PSPC1: variants seen among roughly 807,000 people sequenced by gnomAD.
The protein encoded by PSPC1 is paraspeckle component 1, also known as paraspeckle protein 1.
A neutral mutation model predicts 51.6 loss-of-function variants in PSPC1; 14 were observed. The observed-to-expected ratio is 0.27, with a 90% CI of 0.18 to 0.42. The LOEUF (loss-of-function observed/expected upper bound fraction) is 0.42, where lower values mean the gene tolerates loss of function less well. PSPC1 is among the 10% of genes least tolerant of loss of function. The probability of loss-of-function intolerance (pLI) is 1.00; values close to 1 mark genes in which losing one functional copy is unlikely to be tolerated. For synonymous variants in PSPC1, 193 were observed against 231.9 expected (o/e 0.83, Z 1.53); for missense variants, 406 against 701.1 (o/e 0.58, Z 4.75).
intron 8 of PSPC1, among the ~76,000 whole-genome samples, chr13:19,704,380 TTGAAGCAAA>T: frequency 6.6e-6 from 1 of 152,168 alleles, no homozygotes; most frequent in Non-Finnish European, 1.5e-5. Context: ...CTCCAAATTC[TTGAAGCAAA>T]TAAAATAATG....
chr13:19,735,820 C>CA (rs201549890), intron 5 of PSPC1, among the ~76,000 whole-genome samples: 27 of 150,274 alleles, frequency 1.8e-4, no homozygotes, highest in East Asian at 9.8e-4. Context: ...CAAAACTACT[C>CA]AAAAAAAAAA....
chr13:19,688,854 G>T lies in PSPC1; in HGVS notation c.1159-11031C>A, dbSNP rs1250076503. On this transcript the variant is annotated intron_variant and NMD_transcript_variant, in intron 6 of 7. Transcript: ENST00000471658. ...AGATTGTTTAGAAACCATTCATTTT[G>T]TTGACCAAATACAGTGTTCGCTTAT... Among the ~76,000 whole-genome samples the T allele has an allele frequency of 8.6e-5, 13 of 151,202 alleles. No homozygotes were observed. The East Asian group carries it at 2.5e-3, about 29-fold the overall frequency.
intron 4 of PSPC1, among the ~76,000 whole-genome samples, chr13:19,743,206 T>C (rs953815269): frequency 2.0e-5 from 3 of 152,228 alleles, no homozygotes; most frequent in African/African-American, 7.2e-5. Context: ...AATAATAAAA[T>C]GTTAAAATAC....
At chr13:19,735,141 G>A (rs1443063069) in intron 5 of PSPC1, among the ~76,000 whole-genome samples, 2 of 151,896 alleles carry the variant, frequency 1.3e-5, no homozygotes, top group East Asian at 3.9e-4. Context: ...GTAAAACCAC[G>A]TCTCGACTAA....
chr13:19,747,362 C>T (rs908473737), intron 4 of PSPC1, among the ~76,000 whole-genome samples: 1 of 152,092 alleles, frequency 6.6e-6, no homozygotes. Context: ...GACAGAGTCT[C>T]GTTCTGTCAT....
intron 5 of PSPC1, among the ~76,000 whole-genome samples, chr13:19,733,726 G>A (rs2137961219): frequency 6.6e-6 from 1 of 151,472 alleles, no homozygotes; most frequent in East Asian, 1.9e-4. Context: ...TCATGCCACT[G>A]CACTGCAGCC....
intron 6 of PSPC1, among the ~76,000 whole-genome samples, chr13:19,693,939 C>T (rs1436828859): frequency 3.3e-5 from 5 of 151,752 alleles, no homozygotes; most frequent in Admixed American, 3.3e-4. Flanking sequence ...CTGGCTAACA[C>T]GGTGAAACCC....
chr13:19,732,710 T>C (rs1372730683), intron 5 of PSPC1, among the ~76,000 whole-genome samples: 1 of 152,136 alleles, frequency 6.6e-6, no homozygotes, highest in Admixed American at 6.6e-5. Context: ...GTGAATCACC[T>C]GAGGTCAGGA....
intron 1 of PSPC1, among the ~76,000 whole-genome samples, chr13:19,779,060 G>GCCCCT (rs1889557657): frequency 8.4e-6 from 1 of 119,514 alleles, no homozygotes. Context: ...CTGCCCGGCC[G>GCCCCT]AGACCCCGTC....
At chr13:19,781,498 G>A (rs1252219107) in intron 1 of PSPC1, among the ~76,000 whole-genome samples, 1 of 152,124 alleles carries the variant, frequency 6.6e-6, no homozygotes, top group African/African-American at 2.4e-5. Flanking sequence ...AATTTATGAA[G>A]TAGTACTGTG....
intron 6 of PSPC1, among the ~76,000 whole-genome samples, chr13:19,710,177 T>C (rs1345774172): frequency 1.3e-5 from 2 of 152,186 alleles, no homozygotes; most frequent in Non-Finnish European, 2.9e-5. Flanking sequence ...CACAAGCAAT[T>C]ACTGAAAGCT....
chr13:19,750,677 T>C (rs1886454771), intron 4 of PSPC1, among the ~76,000 whole-genome samples: 1 of 152,142 alleles, frequency 6.6e-6, no homozygotes, highest in African/African-American at 2.4e-5. Context: ...GCCTGCTATG[T>C]TTCTGTTTGC....
In PSPC1 at chr13:19,691,630, T is replaced by G. The variant is rs1442702455; in HGVS notation, c.1159-13807A>C. On this transcript the variant is annotated intron_variant and NMD_transcript_variant, in intron 6 of 7. Coordinates refer to the PSPC1 transcript ENST00000471658. ...CTGAAAAAGGCACTTATAAGAGATT[T>G]ACAAAGGCCGGGCGTGGTGAGTCAT... is the stretch of plus-strand genomic sequence containing the variant. Among the ~76,000 whole-genome samples the G allele has an allele frequency of 5.9e-5, 9 of 152,002 alleles. No homozygotes were observed. The East Asian group carries it at 1.7e-3, about 30-fold the overall frequency.
intron 3 of PSPC1, among the ~76,000 whole-genome samples, chr13:19,758,742 G>A (rs1281874267): frequency 6.6e-6 from 1 of 151,828 alleles, no homozygotes; most frequent in Non-Finnish European, 1.5e-5. Flanking sequence ...GGCTGAGGAA[G>A]GAGAATTGCT....
intron 6 of PSPC1, among the ~76,000 whole-genome samples, chr13:19,696,494 C>T (rs922354801): frequency 1.4e-5 from 2 of 141,646 alleles, no homozygotes; most frequent in Non-Finnish European, 3.1e-5. Context: ...TTATCACACA[C>T]ACACGCACAC....
intron 2 of PSPC1, among the ~76,000 whole-genome samples, chr13:19,761,764 A>T (rs1887623493): frequency 6.6e-6 from 1 of 152,166 alleles, no homozygotes; most frequent in African/African-American, 2.4e-5. Flanking sequence ...CAAAATGAAG[A>T]TGATGCATTT....
chr13:19,745,163 C>T (rs1396662358), intron 4 of PSPC1, among the ~76,000 whole-genome samples: 2 of 151,890 alleles, frequency 1.3e-5, no homozygotes, highest in Non-Finnish European at 1.5e-5. Flanking sequence ...ATTAAAACTA[C>T]AAAAATAAGC....
chr13:19,730,208 A>T (rs754228639), intron 6 of PSPC1, 31 bp downstream of exon 6: 1 of 1,577,748 alleles, frequency 6.3e-7, no homozygotes, highest in East Asian at 2.2e-5. Context: ...GAAAATATAA[A>T]ATCATTTTAG....
At chr13:19,725,813 A>G (rs1313212945) in intron 6 of PSPC1, among the ~76,000 whole-genome samples, 1 of 152,156 alleles carries the variant, frequency 6.6e-6, no homozygotes, top group Non-Finnish European at 1.5e-5. Flanking sequence ...CCACACCCAA[A>G]TTCTGCAGGG....
Sources: gnomAD v4.1 joint callset for allele counts (sites outside exome capture counted in the v4.1 genomes callset) on GRCh38, gnomAD v4.1.1 for gene constraint, MANE v1.5 for transcripts, NCBI Gene and HGNC (gene_info 2026-07-23, HGNC 2026-07-21) for gene names.